TANC2: variants seen among roughly 807,000 people sequenced by gnomAD.
The protein encoded by TANC2 is tetratricopeptide repeat, ankyrin repeat and coiled-coil containing 2.
In TANC2, 26 loss-of-function variants were observed where a neutral mutation model predicts 210.5. The ratio of observed to expected loss-of-function variants is 0.12; its 90% CI spans 0.09 to 0.17. The LOEUF is 0.17. TANC2 is among the 10% of genes least tolerant of loss of function. The pLI is 1.00. For synonymous variants in TANC2, 931 were observed against 967.1 expected, an observed-to-expected ratio of 0.96 and a Z score of 0.69; for missense variants, 2,129 against 2,608.9, an observed-to-expected ratio of 0.82 and a Z score of 4.01.
intron 5 of TANC2, among the ~76,000 whole-genome samples, chr17:63,181,021 CTCA>C (rs2040763141): frequency 1.5e-5 from 1 of 68,746 alleles, no homozygotes; most frequent in Non-Finnish European, 2.4e-5. Context: ...GAGACTCCAT[CTCA>C]AAAAAAAAAA....
At chr17:63,044,530 CT>C (rs2035306592) in intron 2 of TANC2, among the ~76,000 whole-genome samples, 2 of 152,106 alleles carry the variant, frequency 1.3e-5, no homozygotes, top group African/African-American at 2.4e-5. Flanking sequence ...ATTTTCTGGT[CT>C]TTTTTGTGTG....
In TANC2 at chr17:63,188,668, A is replaced by C. The variant is rs180702545; in HGVS notation, c.434-5323A>C. ...TATTCTCCCAGTGTCATTTTCCCAT[A>C]TAACTCACTGTGGTTATGTAAAATG... On this transcript the variant is annotated intron_variant, in intron 5 of 27. Coordinates refer to ENST00000689528, the Ensembl canonical transcript of TANC2. 9.3e-4 allele frequency among the ~76,000 whole-genome samples: 142 copies of C among 152,066 alleles called. No individual in the cohort carries two copies. The East Asian group carries it at 0.013, about 14-fold the overall frequency.
chr17:63,128,072 A>G (rs920663477), intron 4 of TANC2, among the ~76,000 whole-genome samples: 2 of 152,194 alleles, frequency 1.3e-5, no homozygotes, highest in African/African-American at 4.8e-5. Flanking sequence ...AATTATGTAT[A>G]TGTTAGATAC....
chr17:62,992,445 A>T (rs2032916499), intron 1 of TANC2, among the ~76,000 whole-genome samples: 1 of 152,212 alleles, frequency 6.6e-6, no homozygotes, highest in African/African-American at 2.4e-5. Flanking sequence ...ATCAATGTAT[A>T]AAGTGTCTTT....
At chr17:63,111,735 T>G (rs1345744006) in intron 4 of TANC2, among the ~76,000 whole-genome samples, 1 of 152,176 alleles carries the variant, frequency 6.6e-6, no homozygotes, top group Non-Finnish European at 1.5e-5. Context: ...TTTTATTTAT[T>G]TATTTTTTTG....
intron 14 of TANC2, among the ~76,000 whole-genome samples, chr17:63,375,139 TG>T (rs1000472193): frequency 3.3e-5 from 5 of 152,178 alleles, no homozygotes; most frequent in Non-Finnish European, 7.4e-5. Context: ...GATGTCACCA[TG>T]GGAGCTAATA....
rs561785576 is a variant in TANC2, at chr17:63,412,186, G to GT, written c.3898+57dup. 1,411 of 1,611,516 alleles carry GT rather than the reference G, an allele frequency of 8.8e-4. 12 individuals carry two copies. The Middle Eastern group carries it at 0.028, about 32-fold the overall frequency. ...TGTGCCCAGGGGCCAGACTGGTCCA[G>GT]TGGTCTGGCTGCCCTGGGTATTTGG... On this transcript the variant is annotated intron_variant, in intron 23 of 27. Transcript: ENST00000689528. The surrounding 1 kb of genome is among the most constrained non-coding windows in gnomAD (Gnocchi z 4.2).
At chr17:63,089,868 C>T (rs1290649190) in intron 3 of TANC2, among the ~76,000 whole-genome samples, 1 of 151,866 alleles carries the variant, frequency 6.6e-6, no homozygotes, top group Non-Finnish European at 1.5e-5. Context: ...ATAAAATATC[C>T]AATTAGAAAA....
chr17:63,272,634 G>A (rs1307016146), intron 9 of TANC2, among the ~76,000 whole-genome samples: 1 of 152,070 alleles, frequency 6.6e-6, no homozygotes, highest in African/African-American at 2.4e-5. Flanking sequence ...ATTTCTTTGA[G>A]CAGTGTTTTG....
At chr17:63,326,893 C>G (rs983823337) in intron 11 of TANC2, among the ~76,000 whole-genome samples, 1 of 151,982 alleles carries the variant, frequency 6.6e-6, no homozygotes, top group African/African-American at 2.4e-5. Flanking sequence ...GACATGTAAA[C>G]TAAAAACCTT....
At chr17:63,251,341 G>A (rs921723534) in intron 8 of TANC2, among the ~76,000 whole-genome samples, 2 of 152,128 alleles carry the variant, frequency 1.3e-5, no homozygotes, top group African/African-American at 4.8e-5. Flanking sequence ...GTTTGACCAA[G>A]CCTTTTTATC....
chr17:63,073,569 A>C (rs753265612), intron 2 of TANC2, among the ~76,000 whole-genome samples: 24 of 152,172 alleles, frequency 1.6e-4, no homozygotes, highest in South Asian at 1.0e-3. Flanking sequence ...GTGCTGTTGT[A>C]CTTTAGACAG....
chr17:63,398,075 G>T (rs1400539517), intron 18 of TANC2, among the ~76,000 whole-genome samples: 1 of 152,160 alleles, frequency 6.6e-6, no homozygotes, highest in Non-Finnish European at 1.5e-5. Flanking sequence ...TGTGTTTAGA[G>T]ATTTTTCTCC....
chr17:63,411,279 C>T (rs1179616964), intron 21 of TANC2, among the ~76,000 whole-genome samples: 1 of 152,194 alleles, frequency 6.6e-6, no homozygotes, highest in African/African-American at 2.4e-5. Flanking sequence ...TAGGAATAGA[C>T]TGTGGATGAC....
intron 1 of TANC2, among the ~76,000 whole-genome samples, chr17:63,001,567 T>G (rs1475131828): frequency 6.6e-6 from 1 of 151,446 alleles, no homozygotes; most frequent in Non-Finnish European, 1.5e-5. Flanking sequence ...CTTTTTTTTT[T>G]TCCAAGATGG....
chr17:63,398,699 C>G, intron 18 of TANC2, 122 bp from the exon 19 acceptor site: 1 of 598,882 alleles, frequency 1.7e-6, no homozygotes, highest in Non-Finnish European at 2.9e-6. Context: ...ATTCTGATTC[C>G]TTTTGTGTGC....
intron 12 of TANC2, among the ~76,000 whole-genome samples, chr17:63,344,008 C>T (rs369920920): frequency 2.0e-5 from 3 of 152,206 alleles, no homozygotes; most frequent in East Asian, 1.9e-4. Flanking sequence ...AATACTACAT[C>T]AGGGGTCCCC....
At chr17:63,192,825 A>G (rs1166686646) in intron 5 of TANC2, among the ~76,000 whole-genome samples, 3 of 152,228 alleles carry the variant, frequency 2.0e-5, no homozygotes, top group Non-Finnish European at 4.4e-5. Flanking sequence ...TGCTAAATAA[A>G]TATATACTCT....
At chr17:62,984,354 C>CT (rs1269770460) in intron 1 of TANC2, among the ~76,000 whole-genome samples, 7 of 151,858 alleles carry the variant, frequency 4.6e-5, no homozygotes, top group Non-Finnish European at 8.8e-5. Flanking sequence ...TGAGTCTTCT[C>CT]TTTTTTTGTT....
Sources: allele counts gnomAD v4.1 joint callset (sites outside exome capture counted in the v4.1 genomes callset), GRCh38; gene constraint gnomAD v4.1.1; non-coding constraint Gnocchi (gnomAD v3.1); transcripts MANE v1.5; gene names NCBI Gene and HGNC (gene_info 2026-07-23, HGNC 2026-07-21).